MAF: variants seen among roughly 807,000 people sequenced by gnomAD.
MAF encodes transcription factor Maf.
A neutral mutation model predicts 22.0 loss-of-function variants in MAF; 10 were observed. That is an observed-to-expected ratio of 0.45 (90% CI 0.28 to 0.77). MAF has a LOEUF of 0.77. Among genes scored for constraint, MAF ranks in the 30% least tolerant of loss-of-function variants. MAF has a pLI of 0.12. For missense variants in MAF, 544 were observed against 548.4 expected, an observed-to-expected ratio of 0.99 and a Z score of 0.08; for synonymous variants, 337 against 255.8, an observed-to-expected ratio of 1.32 and a Z score of -3.03.
the MAF span, among the ~76,000 whole-genome samples, chr16:79,291,655 T>C: frequency 2.9e-4 from 44 of 151,560 alleles, no homozygotes; most frequent in Middle Eastern, 3.4e-3. Flanking sequence ...GTCATACAAA[T>C]GACTAGCCAG....
the MAF span, among the ~76,000 whole-genome samples, chr16:79,414,972 A>G: frequency 6.6e-6 from 1 of 152,216 alleles, no homozygotes. Flanking sequence ...GACCACAGGA[A>G]ATTCTGCACC....
the MAF span, among the ~76,000 whole-genome samples, chr16:79,395,971 T>G: frequency 6.6e-6 from 1 of 152,160 alleles, no homozygotes; most frequent in African/African-American, 2.4e-5. Flanking sequence ...ATTTGGAGAC[T>G]GAATAATTGC....
the MAF span, among the ~76,000 whole-genome samples, chr16:79,473,344 T>C: frequency 6.6e-6 from 1 of 152,168 alleles, no homozygotes; most frequent in Non-Finnish European, 1.5e-5. Context: ...ACAATGATTG[T>C]TCCAGGAACT....
At chr16:79,571,951 T>C in the MAF span, among the ~76,000 whole-genome samples, 1 of 152,196 alleles carries the variant, frequency 6.6e-6, no homozygotes, top group Admixed American at 6.5e-5. Flanking sequence ...CCCCTGCCCC[T>C]GCCTGACTCA....
chr16:79,276,945 G>A, the MAF span, among the ~76,000 whole-genome samples: 1 of 152,090 alleles, frequency 6.6e-6, no homozygotes, highest in East Asian at 1.9e-4. Flanking sequence ...GACGTACTCT[G>A]GCTTCTGGCT....
At chr16:79,231,596 A>G in the MAF span, among the ~76,000 whole-genome samples, 1 of 152,022 alleles carries the variant, frequency 6.6e-6, no homozygotes, top group Admixed American at 6.6e-5. Flanking sequence ...GTTCCATCCC[A>G]TCCCTTAAAA....
chr16:79,419,551 C>T, the MAF span, among the ~76,000 whole-genome samples: 1 of 152,194 alleles, frequency 6.6e-6, no homozygotes, highest in Non-Finnish European at 1.5e-5. Flanking sequence ...AGCCGGGCAA[C>T]TCTCTGGTGT....
the MAF span, among the ~76,000 whole-genome samples, chr16:79,404,325 T>A: frequency 6.6e-6 from 1 of 151,850 alleles, no homozygotes; most frequent in South Asian, 2.1e-4. Flanking sequence ...CACCACACCG[T>A]GCTAATTTTT....
the MAF span, among the ~76,000 whole-genome samples, chr16:79,467,179 C>A: frequency 6.6e-6 from 1 of 152,166 alleles, no homozygotes; most frequent in African/African-American, 2.4e-5. Flanking sequence ...TCATCATTCC[C>A]TTCTTACTTG....
At chr16:79,214,115 G>A in the MAF span, among the ~76,000 whole-genome samples, 10 of 152,048 alleles carry the variant, frequency 6.6e-5, no homozygotes, top group South Asian at 2.1e-4. Context: ...CTCTGCTCAC[G>A]TTATCCCTGT....
chr16:79,521,514 T>C, the MAF span, among the ~76,000 whole-genome samples: 1 of 152,228 alleles, frequency 6.6e-6, no homozygotes, highest in African/African-American at 2.4e-5. Flanking sequence ...GACTTCGGAA[T>C]TCTAAGGCTG....
chr16:79,516,692 G>A, the MAF span, among the ~76,000 whole-genome samples: 1 of 152,138 alleles, frequency 6.6e-6, no homozygotes, highest in African/African-American at 2.4e-5. Flanking sequence ...ATTACCATTT[G>A]GTAAATGAGA....
chr16:79,468,124 C>T, the MAF span, among the ~76,000 whole-genome samples: 5 of 152,228 alleles, frequency 3.3e-5, no homozygotes, highest in African/African-American at 9.6e-5. Flanking sequence ...GCCATTGGTG[C>T]CTGGGTTGGC....
the MAF span, among the ~76,000 whole-genome samples, chr16:79,558,953 G>C: frequency 2.6e-5 from 4 of 152,296 alleles, no homozygotes; most frequent in South Asian, 2.1e-4. Context: ...ATTCTTGCCT[G>C]GGCACATGCA....
chr16:79,241,143 G>A, the MAF span, among the ~76,000 whole-genome samples: 77 of 152,162 alleles, frequency 5.1e-4, no homozygotes, highest in African/African-American at 1.8e-3. Flanking sequence ...TCCTCCAAAG[G>A]ATCACAACTC....
At chr16:79,373,242 G>A in the MAF span, among the ~76,000 whole-genome samples, 1 of 151,692 alleles carries the variant, frequency 6.6e-6, no homozygotes, top group Admixed American at 6.6e-5. Flanking sequence ...AATCCCCAAT[G>A]TGGTAGTATT....
At chr16:79,345,650 C>T in the MAF span, among the ~76,000 whole-genome samples, 4 of 138,614 alleles carry the variant, frequency 2.9e-5, no homozygotes, top group East Asian at 6.6e-4. Flanking sequence ...AGTGCTTGAA[C>T]CTCGTAGGTG....
chr16:79,578,064 A>C, the MAF span, among the ~76,000 whole-genome samples: 3 of 152,214 alleles, frequency 2.0e-5, no homozygotes, highest in Non-Finnish European at 4.4e-5. Flanking sequence ...GCCCATAATA[A>C]ATAGCAAATA....
chr16:79,246,633 G>C, the MAF span, among the ~76,000 whole-genome samples: 4 of 151,974 alleles, frequency 2.6e-5, no homozygotes, highest in South Asian at 4.1e-4. Context: ...AAATGGGATA[G>C]AGAATCAAAT....
Sources: allele counts gnomAD v4.1 joint callset (sites outside exome capture counted in the v4.1 genomes callset), GRCh38; gene constraint gnomAD v4.1.1; transcripts MANE v1.5; gene names NCBI Gene and HGNC (gene_info 2026-07-23, HGNC 2026-07-21).